Variants in ZNF385D observed in about 807,000 individuals in gnomAD.
ZNF385D encodes zinc finger protein 659.
In ZNF385D, 15 loss-of-function variants were observed where a neutral mutation model predicts 35.8. The ratio of observed to expected loss-of-function variants is 0.42; its 90% CI spans 0.28 to 0.64. ZNF385D has a LOEUF of 0.64. Ranked by LOEUF, ZNF385D falls within the 30% of genes least tolerant of loss-of-function variation. The probability of loss-of-function intolerance (pLI) is 0.23; values close to 1 mark genes in which losing one functional copy is unlikely to be tolerated. For missense variants in ZNF385D, 474 were observed against 494.6 expected, an observed-to-expected ratio of 0.96 and a Z score of 0.39; for synonymous variants, 212 against 186.8, an observed-to-expected ratio of 1.13 and a Z score of -1.10.
chr3:21,979,814 TTG>T (rs1248931251), intron 3 of ZNF385D: 4 of 152,160 alleles, frequency 2.6e-5, no homozygotes, highest in Non-Finnish European at 2.9e-5. Flanking sequence ...CCAAATGAAC[TTG>T]TGTTTCAAAA....
chr3:21,603,096 C>T, intron 2 of ZNF385D, among the ~76,000 whole-genome samples: 1 of 152,042 alleles, frequency 6.6e-6, no homozygotes, highest in East Asian at 1.9e-4. Context: ...AGTTTATTTA[C>T]CAAAATAAAA....
At chr3:21,967,751 A>G (rs1702990950) in intron 3 of ZNF385D, among the ~76,000 whole-genome samples, 1 of 152,238 alleles carries the variant, frequency 6.6e-6, no homozygotes, top group South Asian at 2.1e-4. Flanking sequence ...TTAGGACTTG[A>G]GTGACCAAAA....
intron 3 of ZNF385D, among the ~76,000 whole-genome samples, chr3:21,778,685 T>G (rs890769945): frequency 6.6e-6 from 1 of 151,966 alleles, no homozygotes; most frequent in Non-Finnish European, 1.5e-5. Context: ...AAGAGGACTA[T>G]ATTTAATTTT....
upstream of ZNF385D, among the ~76,000 whole-genome samples, chr3:21,754,532 A>G (rs1036102713): frequency 5.9e-5 from 9 of 152,160 alleles, no homozygotes; most frequent in African/African-American, 2.2e-4. Context: ...TCTGTGTTCT[A>G]AGATCCGGGT....
chr3:21,485,582 C>A (rs977477325), intron 4 of ZNF385D, among the ~76,000 whole-genome samples: 3 of 152,078 alleles, frequency 2.0e-5, no homozygotes, highest in Non-Finnish European at 4.4e-5. Context: ...GATAACATCT[C>A]TTTGATTCCT....
At chr3:22,186,413 G>T (rs1695634001) in intron 2 of ZNF385D, among the ~76,000 whole-genome samples, 1 of 152,202 alleles carries the variant, frequency 6.6e-6, no homozygotes, top group East Asian at 1.9e-4. Flanking sequence ...GTGTCACCTG[G>T]GTTTGTTAAA....
chr3:21,983,081 G>C (rs550624655), intron 3 of ZNF385D, among the ~76,000 whole-genome samples: 1 of 151,732 alleles, frequency 6.6e-6, no homozygotes, highest in South Asian at 2.1e-4. Flanking sequence ...CCAGGTTTGG[G>C]TATCAAGATG....
At position 21,514,669 on chromosome 3, in the gene ZNF385D, A is replaced by T. The variant is rs1707447043; in HGVS notation, c.277-3646T>A. 1.3e-5 allele frequency among the ~76,000 whole-genome samples: 2 copies of T among 151,648 alleles called. 1 individual carries two copies. Among genetic ancestry groups the T allele is most frequent in the South Asian group, 4.1e-4 (2 of 4,824 alleles). On this transcript the variant is annotated intron_variant, in intron 3 of 7. Transcript: ENST00000281523. ...ACCAATCAGGCTATCTCTGTACCTC[A>T]TTTCTGCTTGCTGTATGTCACTTTC...
At chr3:21,813,285 C>G (rs1392874698) in intron 3 of ZNF385D, among the ~76,000 whole-genome samples, 1 of 152,172 alleles carries the variant, frequency 6.6e-6, no homozygotes, top group Non-Finnish European at 1.5e-5. Context: ...AATCAGAGCA[C>G]CTCTTCTCCT....
At chr3:22,239,687 A>G (rs992547040) in intron 2 of ZNF385D, among the ~76,000 whole-genome samples, 1 of 151,092 alleles carries the variant, frequency 6.6e-6, no homozygotes, top group Non-Finnish European at 1.5e-5. Flanking sequence ...ATCCTCCAAT[A>G]AACAGTGTGC....
intron 3 of ZNF385D, among the ~76,000 whole-genome samples, chr3:22,144,654 G>C (rs868506986): frequency 6.9e-6 from 1 of 145,746 alleles, no homozygotes; most frequent in Non-Finnish European, 1.5e-5. Flanking sequence ...ATTTAAGTTA[G>C]TCATCATTAG....
intron 2 of ZNF385D, among the ~76,000 whole-genome samples, chr3:22,319,370 CTATT>C (rs536191024): frequency 1.5e-3 from 234 of 151,388 alleles, no homozygotes; most frequent in African/African-American, 5.3e-3. Context: ...TAAATATTAA[CTATT>C]TAATATATTA....
chr3:21,690,001 C>T (rs2067230264), intron 1 of ZNF385D, among the ~76,000 whole-genome samples: 1 of 151,552 alleles, frequency 6.6e-6, no homozygotes, highest in Non-Finnish European at 1.5e-5. Flanking sequence ...TTTTGATTGA[C>T]AGACTGAAAT....
chr3:22,288,524 AT>A (rs1317998560), intron 2 of ZNF385D, among the ~76,000 whole-genome samples: 2 of 151,752 alleles, frequency 1.3e-5, no homozygotes, highest in African/African-American at 4.8e-5. Context: ...CCTGCATTAG[AT>A]TTTTCTATTC....
At chr3:21,538,161 G>A (rs959055410) in intron 3 of ZNF385D, among the ~76,000 whole-genome samples, 4 of 151,990 alleles carry the variant, frequency 2.6e-5, no homozygotes, top group East Asian at 1.9e-4. Context: ...ACTGAGATGC[G>A]GCCTTTGGTT....
chr3:21,463,996 CAATT>C (rs938099320), intron 4 of ZNF385D, among the ~76,000 whole-genome samples: 1 of 151,906 alleles, frequency 6.6e-6, no homozygotes, highest in African/African-American at 2.4e-5. Flanking sequence ...TGAAACAAAG[CAATT>C]AATGAAGTTC....
At chr3:21,821,032 A>T (rs1347763221) in intron 3 of ZNF385D, among the ~76,000 whole-genome samples, 1 of 152,100 alleles carries the variant, frequency 6.6e-6, no homozygotes, top group Non-Finnish European at 1.5e-5. Context: ...AATGGAGTCA[A>T]TAATTAAAAA....
intron 3 of ZNF385D, among the ~76,000 whole-genome samples, chr3:21,877,090 GTT>G (rs1698018628): frequency 6.6e-6 from 1 of 152,052 alleles, no homozygotes; most frequent in Non-Finnish European, 1.5e-5. Context: ...ATGGGATCAG[GTT>G]TATTCGCCTG....
intron 1 of ZNF385D, among the ~76,000 whole-genome samples, chr3:21,692,502 G>T (rs890175025): frequency 2.0e-5 from 3 of 152,012 alleles, no homozygotes; most frequent in Non-Finnish European, 4.4e-5. Flanking sequence ...CCCATATTTG[G>T]CCATTAAAAC....
Sources: allele counts gnomAD v4.1 joint callset (sites outside exome capture counted in the v4.1 genomes callset), GRCh38; gene constraint gnomAD v4.1.1; transcripts MANE v1.5; gene names NCBI Gene and HGNC (gene_info 2026-07-23, HGNC 2026-07-21).